The following GRIP1 variants were observed in gnomAD, a reference collection of about 807,000 sequenced individuals.
GRIP1 encodes glutamate receptor interacting protein 1, also known as glutamate receptor-interacting protein 1.
Under a neutral mutation model 129.9 loss-of-function variants are expected in GRIP1, and 45 were observed. The observed-to-expected ratio is 0.35, with a 90% CI of 0.27 to 0.44. The LOEUF is 0.44. Ranked by LOEUF, GRIP1 falls within the 20% of genes least tolerant of loss-of-function variation. The probability of loss-of-function intolerance (pLI) is 1.00; values close to 1 mark genes in which losing one functional copy is unlikely to be tolerated. For missense variants in GRIP1, 1,196 were observed against 1,396.8 expected (o/e 0.86, Z 2.29); for synonymous variants, 530 against 520.8 (o/e 1.02, Z -0.24).
At position 66,574,790 on chromosome 12, in the gene GRIP1, T is replaced by TTTTTTTTTTTTTTTTC. The variant is rs55885862; in HGVS notation, c.136+22056_136+22057insGAAAAAAAAAAAAAAA. ...GGAACTCTCTGTTCCCACTTTTCTTTTTTTTTTTTTTAGACGGAGTCTCGC... is the reference window on the plus strand; with the variant it reads ...GGAACTCTCTGTTCCCACTTTTCTTTTTTTTTTTTTTTTTTCTTTTTTTTTTTAGACGGAGTCTCGC... On this transcript the variant is annotated intron_variant, in intron 2 of 24. Transcript: ENST00000359742. Among the ~76,000 whole-genome samples the TTTTTTTTTTTTTTTTC allele has an allele frequency of 8.6e-4, 122 of 142,136 alleles. 1 individual carries two copies. The highest frequency in any genetic ancestry group is 3.4e-3 in the Admixed American group (47 of 13,804). The allele number at this position is 142,136 out of a possible 152,430, so 93.2% of individuals were successfully genotyped here. A position where few individuals can be genotyped will look rare whatever the true frequency, so the allele number is the denominator to read the frequency against.
chr12:66,604,747 G>A (rs1671790949), intron 1 of GRIP1, among the ~76,000 whole-genome samples: 1 of 152,110 alleles, frequency 6.6e-6, no homozygotes, highest in African/African-American at 2.4e-5. Context: ...TTCAATAAGT[G>A]ACTAGCTTTA....
rs1010675056 is a variant in GRIP1, at chr12:66,348,279, C to T, written c.*740G>A. The T allele has an allele frequency of 2.6e-5, 4 of 151,588 alleles. No homozygotes were observed. Among genetic ancestry groups the T allele is most frequent in the African/African-American group, 9.7e-5 (4 of 41,026 alleles). 9.4% of individuals were successfully genotyped at this position (151,588 alleles called of 1,614,324 possible). A position where few individuals can be genotyped will look rare whatever the true frequency, so the allele number is the denominator to read the frequency against. ...AAAATAAGATAATATAACTAATTCT[C>T]ATGTTTACTACACACTCTAATTCAT... On this transcript the variant is annotated 3_prime_UTR_variant, in exon 25 of 25. Coordinates refer to ENST00000359742, the MANE Select transcript of GRIP1 (RefSeq NM_001366722.1).
chr12:66,896,842 T>C (rs1036785368), intron 1 of GRIP1, among the ~76,000 whole-genome samples: 1 of 152,200 alleles, frequency 6.6e-6, no homozygotes, highest in Non-Finnish European at 1.5e-5. Context: ...AGCTTGGCAG[T>C]TTTCTGGTTC....
intron 7 of GRIP1, among the ~76,000 whole-genome samples, chr12:66,496,252 T>G (rs1391911113): frequency 6.6e-6 from 1 of 152,120 alleles, no homozygotes; most frequent in African/African-American, 2.4e-5. Flanking sequence ...ACCTGCAAGG[T>G]TCAGGCTCTG....
chr12:66,918,618 C>A (rs1019253827), intron 1 of GRIP1, among the ~76,000 whole-genome samples: 3 of 152,096 alleles, frequency 2.0e-5, no homozygotes, highest in Non-Finnish European at 2.9e-5. Context: ...TTCAAACAAC[C>A]TGTATTCAAA....
intron 1 of GRIP1, among the ~76,000 whole-genome samples, chr12:66,915,444 T>G (rs2041104847): frequency 6.6e-6 from 1 of 152,118 alleles, no homozygotes; most frequent in Non-Finnish European, 1.5e-5. Context: ...AAGAGCCAGC[T>G]AGCTTTAGAA....
intron 1 of GRIP1, among the ~76,000 whole-genome samples, chr12:66,620,591 T>A (rs2065224462): frequency 6.6e-6 from 1 of 152,152 alleles, no homozygotes; most frequent in African/African-American, 2.4e-5. Flanking sequence ...TGGGATTGAT[T>A]TTACACTCCA....
intron 1 of GRIP1, among the ~76,000 whole-genome samples, chr12:66,814,518 T>C (rs1477600568): frequency 2.0e-5 from 3 of 151,870 alleles, no homozygotes; most frequent in Non-Finnish European, 4.4e-5. Context: ...TATTTGTCCC[T>C]TTATTAATTC....
intron 21 of GRIP1, 44 bp downstream of exon 21, chr12:66,377,130 A>G: frequency 6.4e-7 from 1 of 1,562,294 alleles, no homozygotes; most frequent in Non-Finnish European, 8.8e-7. Flanking sequence ...ACCAAAAAAA[A>G]TGAATGTAGA....
At chr12:66,566,586 G>A (rs958664874) in intron 2 of GRIP1, among the ~76,000 whole-genome samples, 5 of 151,786 alleles carry the variant, frequency 3.3e-5, no homozygotes, top group Non-Finnish European at 5.9e-5. Context: ...ATTCTTTTTT[G>A]TTGTTGTTGT....
At chr12:66,857,140 G>A (rs1052578524) in intron 1 of GRIP1, among the ~76,000 whole-genome samples, 69 of 150,668 alleles carry the variant, frequency 4.6e-4, no homozygotes, top group African/African-American at 1.5e-3. Context: ...ACCAAACACC[G>A]CATGTTCTCA....
chr12:66,676,961 C>T (rs1413604986), intron 1 of GRIP1, among the ~76,000 whole-genome samples: 4 of 152,202 alleles, frequency 2.6e-5, no homozygotes, highest in East Asian at 1.9e-4. Context: ...GGCAAGGTAC[C>T]GTGTTACTCA....
chr12:66,606,018 TATGTGTGATTGCCTAG>T (rs11273562), intron 1 of GRIP1, among the ~76,000 whole-genome samples: 6,934 of 152,226 alleles, frequency 0.046, 315 homozygotes, highest in African/African-American at 0.12. Context: ...GAACAAGGGC[TATGTGTGATTGCCTAG>T]ATGTGTGAAA....
chr12:66,722,680 T>A (rs1029709694), intron 1 of GRIP1, among the ~76,000 whole-genome samples: 1 of 152,166 alleles, frequency 6.6e-6, no homozygotes, highest in Non-Finnish European at 1.5e-5. Context: ...AAATGAGGGA[T>A]GCCTGTATGT....
In GRIP1 at chr12:66,465,561, T is replaced by C. The variant is rs962620131; in HGVS notation, c.725-139A>G. ...AACTTAGATTTCCCTCCATATAATA[T>C]CCCCACAGCCAATAATAAATTCATA... On this transcript the variant is annotated intron_variant, in intron 7 of 24. Transcript: ENST00000359742. 110 of 713,964 alleles carry C rather than the reference T, an allele frequency of 1.5e-4. No homozygotes were observed. In the African/African-American group the frequency reaches 1.6e-3, roughly 10 times the overall value. The allele number at this position is 713,964 out of a possible 1,614,324, so 44.2% of individuals were successfully genotyped here.
chr12:67,068,951 G>T, intron 1 of GRIP1: 1 of 434,586 alleles, frequency 2.3e-6, no homozygotes, highest in Non-Finnish European at 3.0e-6. Flanking sequence ...TCCCCCGTCG[G>T]CGGGTGGACG....
intron 5 of GRIP1, among the ~76,000 whole-genome samples, chr12:66,525,207 G>A (rs1275010775): frequency 6.6e-6 from 1 of 152,112 alleles, no homozygotes; most frequent in African/African-American, 2.4e-5. Context: ...TGATACCAAA[G>A]CCTGGCAGAG....
chr12:66,730,071 G>A (rs1047591929), intron 1 of GRIP1, among the ~76,000 whole-genome samples: 1 of 151,992 alleles, frequency 6.6e-6, no homozygotes, highest in African/African-American at 2.4e-5. Context: ...CCAATGCTTC[G>A]CAAAACCAGC....
chr12:66,978,513 C>T (rs2042189124), intron 1 of GRIP1, among the ~76,000 whole-genome samples: 1 of 152,178 alleles, frequency 6.6e-6, no homozygotes, highest in Non-Finnish European at 1.5e-5. Flanking sequence ...ATTATGTTAA[C>T]ATCTCAAGTC....
Sources: gnomAD v4.1 joint callset for allele counts (sites outside exome capture counted in the v4.1 genomes callset) on GRCh38, gnomAD v4.1.1 for gene constraint, MANE v1.5 for transcripts, NCBI Gene and HGNC (gene_info 2026-07-23, HGNC 2026-07-21) for gene names.